The following TSPAN18 variants were observed in gnomAD, a reference collection of about 807,000 sequenced individuals.
The protein encoded by TSPAN18 is tetraspanin 18, also known as tetraspanin-18.
Under a neutral mutation model 27.3 loss-of-function variants are expected in TSPAN18, and 14 were observed. That is an observed-to-expected ratio of 0.51 (90% confidence interval 0.34 to 0.80). The LOEUF (loss-of-function observed/expected upper bound fraction) is 0.80. TSPAN18 is among the 30% of genes least tolerant of loss of function. The pLI is 0.01. For synonymous variants in TSPAN18, 143 were observed against 136.5 expected (o/e 1.05, Z -0.33); for missense variants, 268 against 323.9 (o/e 0.83, Z 1.32).
intron 1 of TSPAN18, among the ~76,000 whole-genome samples, chr11:44,737,825 C>T (rs1193193690): frequency 2.0e-5 from 3 of 151,998 alleles, no homozygotes; most frequent in Non-Finnish European, 4.4e-5. Context: ...TGTGATCTTC[C>T]TCCCCTGGAC....
At chr11:44,772,816 G>A (rs941446668) in intron 2 of TSPAN18, among the ~76,000 whole-genome samples, 2 of 151,970 alleles carry the variant, frequency 1.3e-5, no homozygotes, top group Admixed American at 6.6e-5. Flanking sequence ...GTGCCACCAC[G>A]CCCAGCTAAT....
chr11:44,726,885 T>TGGGGAGGGGGAGGGAGAGCG (rs1854516985), upstream of TSPAN18: 3 of 43,756 alleles, frequency 6.9e-5, no homozygotes, highest in South Asian at 9.2e-4. Context: ...GGCGGAGGTT[T>TGGGGAGGGGGAGGGAGAGCG]GGGGAGGGGG....
chr11:44,878,318 C>T (rs566577825), intron 3 of TSPAN18, among the ~76,000 whole-genome samples: 1 of 152,128 alleles, frequency 6.6e-6, no homozygotes, highest in Non-Finnish European at 1.5e-5. Flanking sequence ...CAGGAGGGAA[C>T]AAGCCACGCT....
At chr11:44,785,851 A>G (rs1300576646) in intron 2 of TSPAN18, among the ~76,000 whole-genome samples, 1 of 152,218 alleles carries the variant, frequency 6.6e-6, no homozygotes, top group Non-Finnish European at 1.5e-5. Flanking sequence ...TTCGAGGGGC[A>G]AGAGTGGGAG....
At chr11:44,917,495 T>G (rs1375059067) in intron 5 of TSPAN18, 1 of 153,930 alleles carries the variant, frequency 6.5e-6, no homozygotes, top group Non-Finnish European at 1.4e-5. Flanking sequence ...ACCTCCCCAC[T>G]TCCCATGGGA....
At chr11:44,766,227 G>A (rs997690697) in intron 2 of TSPAN18, among the ~76,000 whole-genome samples, 3 of 152,190 alleles carry the variant, frequency 2.0e-5, no homozygotes, top group East Asian at 1.9e-4. Flanking sequence ...CAGGGTGGCC[G>A]GCTCCCAGGG....
At chr11:44,836,066 C>T (rs1857257875) in intron 2 of TSPAN18, among the ~76,000 whole-genome samples, 1 of 152,132 alleles carries the variant, frequency 6.6e-6, no homozygotes, top group Non-Finnish European at 1.5e-5. Flanking sequence ...AATGAATAAC[C>T]CTACAAGGGC....
At chr11:44,876,749 A>G (rs1423547504) in intron 3 of TSPAN18, among the ~76,000 whole-genome samples, 1 of 152,234 alleles carries the variant, frequency 6.6e-6, no homozygotes, top group Non-Finnish European at 1.5e-5. Context: ...ATAAGATAAA[A>G]ATCACCAACA....
In TSPAN18 at chr11:44,880,537, G is replaced by A. The variant is rs573730207; in HGVS notation, c.-11+20068G>A. ...CATATTCACCCAGTGTGAGCCCTTG[G>A]GTACGGAGGCCTGGTCTGATAGTCC... On this transcript the variant is annotated intron_variant, in intron 3 of 9. Coordinates refer to ENST00000520358, the MANE Select transcript of TSPAN18 (RefSeq NM_130783.5). 1.3e-4 allele frequency among the ~76,000 whole-genome samples: 20 copies of A among 152,314 alleles called. No homozygotes were observed. The South Asian group carries it at 3.9e-3, about 30-fold the overall frequency.
At chr11:44,928,740 C>T (rs1474125133) in intron 9 of TSPAN18, among the ~76,000 whole-genome samples, 4 of 151,974 alleles carry the variant, frequency 2.6e-5, no homozygotes, top group Non-Finnish European at 5.9e-5. Flanking sequence ...GAGCTGAGAT[C>T]GTGCCACTGC....
Position 44,931,832 on chromosome 11 carries a change from G to C in TSPAN18, c.*2654G>C, listed in dbSNP as rs1860573510. ...GGCTGGGGTTGTGGGGGAGGGGTGGGCAGGGATACCTCTTTGTTTCTTTTC... is the reference window on the plus strand; with the variant it reads ...GGCTGGGGTTGTGGGGGAGGGGTGGCCAGGGATACCTCTTTGTTTCTTTTC... On this transcript the variant is annotated 3_prime_UTR_variant, in exon 10 of 10. Transcript: ENST00000520358. 6.6e-6 allele frequency: 1 copy of C among 150,580 alleles called. No individual in the cohort carries two copies. The highest frequency in any genetic ancestry group is 1.5e-5 in the Non-Finnish European group (1 of 67,656). The allele number at this position is 150,580 out of a possible 1,614,324, so 9.3% of individuals were successfully genotyped here. A position where few individuals can be genotyped will look rare whatever the true frequency, so the allele number is the denominator to read the frequency against.
At chr11:44,860,821 A>G (rs1857859834) in intron 3 of TSPAN18, among the ~76,000 whole-genome samples, 1 of 152,202 alleles carries the variant, frequency 6.6e-6, no homozygotes, top group Admixed American at 6.5e-5. Flanking sequence ...AGCAAGAACC[A>G]GTGGTGGGTC....
At chr11:44,922,910 A>T (rs1048599300) in intron 8 of TSPAN18, among the ~76,000 whole-genome samples, 2 of 152,120 alleles carry the variant, frequency 1.3e-5, no homozygotes, top group Non-Finnish European at 2.9e-5. Context: ...GGAGTTCGAG[A>T]CCAGCCCAGC....
chr11:44,826,373 G>A (rs564788660), intron 2 of TSPAN18, among the ~76,000 whole-genome samples: 2 of 152,344 alleles, frequency 1.3e-5, no homozygotes, highest in South Asian at 4.1e-4. Flanking sequence ...ACACTGAGTC[G>A]AGATGGCGCC....
intron 8 of TSPAN18, among the ~76,000 whole-genome samples, chr11:44,921,686 C>T (rs1390809878): frequency 6.6e-6 from 1 of 152,138 alleles, no homozygotes; most frequent in Non-Finnish European, 1.5e-5. Flanking sequence ...GCCACCATAG[C>T]GTGGGGTTTA....
At chr11:44,786,119 G>A (rs1856051420) in intron 2 of TSPAN18, among the ~76,000 whole-genome samples, 2 of 152,254 alleles carry the variant, frequency 1.3e-5, no homozygotes, top group South Asian at 4.1e-4. Flanking sequence ...ATGCCACAGG[G>A]CCCCGTGGTG....
chr11:44,831,006 G>A (rs1030196119), intron 2 of TSPAN18, among the ~76,000 whole-genome samples: 2 of 152,096 alleles, frequency 1.3e-5, no homozygotes, highest in South Asian at 2.1e-4. Flanking sequence ...CCAGCTACTC[G>A]GGAGGCTGAG....
intron 3 of TSPAN18, among the ~76,000 whole-genome samples, chr11:44,902,572 A>G (rs1420169205): frequency 1.3e-5 from 2 of 152,200 alleles, no homozygotes; most frequent in African/African-American, 4.8e-5. Context: ...GCATGAACCA[A>G]CCAGAAGAGA....
At chr11:44,852,074 T>A (rs550731285) in intron 2 of TSPAN18, among the ~76,000 whole-genome samples, 1 of 152,318 alleles carries the variant, frequency 6.6e-6, no homozygotes, top group Non-Finnish European at 1.5e-5. Context: ...GAATGAATGA[T>A]GAATATCACT....
Sources: allele counts gnomAD v4.1 joint callset (sites outside exome capture counted in the v4.1 genomes callset), GRCh38; gene constraint gnomAD v4.1.1; transcripts MANE v1.5; gene names NCBI Gene and HGNC (gene_info 2026-07-23, HGNC 2026-07-21).